The following CAGE1 variants were observed in gnomAD, a reference collection of about 807,000 sequenced individuals.
CAGE1 encodes cancer-associated gene 1 protein.
A neutral mutation model predicts 94.9 loss-of-function variants in CAGE1; 66 were observed. The ratio of observed to expected loss-of-function variants is 0.70; its 90% CI spans 0.57 to 0.85. The LOEUF (loss-of-function observed/expected upper bound fraction) is 0.85, where lower values mean the gene tolerates loss of function less well. Among genes scored for constraint, CAGE1 ranks in the 40% least tolerant of loss-of-function variants. The pLI, the probability that CAGE1 is intolerant of heterozygous loss-of-function variation, is 0.00. For missense variants in CAGE1, 865 were observed against 950.4 expected (o/e 0.91, Z 1.18); for synonymous variants, 319 against 321.0 (o/e 0.99, Z 0.07).
chr6:7,353,233 T>C (rs1384088196), intron 11 of CAGE1, among the ~76,000 whole-genome samples: 1 of 152,128 alleles, frequency 6.6e-6, no homozygotes, highest in African/African-American at 2.4e-5. Flanking sequence ...GCTAAGGACA[T>C]GAATAGACAA....
chr6:7,329,217 G>T, intron 13 of CAGE1: 1 of 404,468 alleles, frequency 2.5e-6, no homozygotes, highest in South Asian at 9.2e-5. Context: ...ACAGGCGTCA[G>T]CCACCGCGCC....
chr6:7,326,800 T>C lies in CAGE1; in HGVS notation c.*58A>G. ...GGATTGATTTGGCTAGCATATGTAGTAATGACTCTTCCTGGAGTGGTTGAC... is the reference window on the plus strand; with the variant it reads ...GGATTGATTTGGCTAGCATATGTAGCAATGACTCTTCCTGGAGTGGTTGAC... On this transcript the variant is annotated 3_prime_UTR_variant, in exon 14 of 14. Coordinates refer to ENST00000502583, the MANE Select transcript of CAGE1 (RefSeq NM_001170692.2). 1 of 1,189,812 alleles carries C rather than the reference T, an allele frequency of 8.4e-7. No homozygotes were observed. Among genetic ancestry groups the C allele is most frequent in the South Asian group, 1.2e-5 (1 of 82,268 alleles). 73.7% of individuals were successfully genotyped at this position (1,189,812 alleles called of 1,614,324 possible). A position where few individuals can be genotyped will look rare whatever the true frequency, so the allele number is the denominator to read the frequency against.
intron 11 of CAGE1, among the ~76,000 whole-genome samples, chr6:7,348,202 G>T (rs766408086): frequency 1.3e-5 from 2 of 152,128 alleles, no homozygotes; most frequent in Non-Finnish European, 2.9e-5. Context: ...ACGGGAACAG[G>T]TGCTGATAGC....
intron 3 of CAGE1, among the ~76,000 whole-genome samples, chr6:7,383,497 G>C (rs1465601989): frequency 1.3e-5 from 2 of 152,068 alleles, no homozygotes; most frequent in Admixed American, 6.6e-5. Context: ...TCAAATACCA[G>C]GTGTCCTCAT....
At chr6:7,366,461 A>T (rs1323246999) in intron 7 of CAGE1, among the ~76,000 whole-genome samples, 1 of 152,166 alleles carries the variant, frequency 6.6e-6, no homozygotes, top group Non-Finnish European at 1.5e-5. Flanking sequence ...TAAATGGCTT[A>T]TGGTGCTCAA....
chr6:7,357,731 C>T lies in CAGE1; in HGVS notation c.2194-1602G>A, dbSNP rs149178552. Among the ~76,000 whole-genome samples, 667 of 151,966 alleles carry T rather than the reference C, an allele frequency of 4.4e-3. 1 individual carries two copies. The highest frequency in any genetic ancestry group is 6.4e-3 in the South Asian group (31 of 4,814). On this transcript the variant is annotated intron_variant, in intron 9 of 13. Transcript: ENST00000502583. The stretch of plus-strand genomic sequence containing the variant: ...CTGCTTTAAGGGTATAAGTGACACA[C>T]GATTAATAACACATATTTAAAGTGT...
chr6:7,385,850 CT>C lies in CAGE1; in HGVS notation c.217del (p.Arg73GlyfsTer17). On this transcript the variant is annotated frameshift_variant, in exon 3 of 14. Transcript: ENST00000502583. LOFTEE classifies it high-confidence loss of function. ...AAGTGTGGATTCATACTCATTTTCC[CT>C]TTCAAAATTCTTTATTTCGTTCTGT... ...LPQNEIKNFERENEYESTLCE... is the reference protein window; with the variant it reads ...LPQNEIKNFEXENEYESTLCE... 6.5e-7 allele frequency: 1 copy of C among 1,537,040 alleles called. No homozygotes were observed.
At chr6:7,345,634 G>A (rs1278106757) in intron 11 of CAGE1, among the ~76,000 whole-genome samples, 6 of 152,106 alleles carry the variant, frequency 3.9e-5, no homozygotes, top group South Asian at 2.1e-4. Context: ...GCCTGTGAAC[G>A]GAAAAATTAC....
At chr6:7,343,864 A>G (rs1230677933) in intron 11 of CAGE1, among the ~76,000 whole-genome samples, 1 of 152,184 alleles carries the variant, frequency 6.6e-6, no homozygotes, top group Non-Finnish European at 1.5e-5. Context: ...TGATGTAATG[A>G]TTGTGATGGG....
chr6:7,382,213 T>C (rs1348456910), intron 3 of CAGE1, among the ~76,000 whole-genome samples: 1 of 152,194 alleles, frequency 6.6e-6, no homozygotes, highest in Non-Finnish European at 1.5e-5. Flanking sequence ...ACATATTGCA[T>C]GTATCTTCAC....
chr6:7,356,117 C>T lies in CAGE1; in HGVS notation c.2206G>A (p.Gly736Arg). 1.3e-6 allele frequency: 2 copies of T among 1,541,622 alleles called. No individual in the cohort carries two copies. Among genetic ancestry groups the T allele is most frequent in the South Asian group, 1.2e-5 (1 of 83,816 alleles). ...EELDFLITKL[G>R]HLLESKENHC... ...TTTTCTTTTGACTCTAGGAGATGTC[C>T]CAGTTTTGTGATCTATGGAGAAATA... is the stretch of plus-strand genomic sequence containing the variant. Residue 736 changes from glycine (G) to arginine (R), a missense_variant, in exon 10 of 14, where the codon GGA (glycine) becomes AGA (arginine). Physicochemically the swap from Gly to Arg is moderately radical, Grantham distance 125 (BLOSUM62 -2). Transcript: ENST00000502583.
At chr6:7,351,534 A>ATAAAATAAAG (rs1429342563) in intron 11 of CAGE1, among the ~76,000 whole-genome samples, 3 of 142,668 alleles carry the variant, frequency 2.1e-5, no homozygotes, top group African/African-American at 8.1e-5. Flanking sequence ...TATAATAAAA[A>ATAAAATAAAG]TAAAATAAAA....
At chr6:7,352,290 C>CAAAAAAAAAAAACAA (rs1759798360) in intron 11 of CAGE1, among the ~76,000 whole-genome samples, 7 of 43,526 alleles carry the variant, frequency 1.6e-4, no homozygotes, top group African/African-American at 3.6e-4. Flanking sequence ...ACAATAGCTG[C>CAAAAAAAAAAAACAA]AAAAAAAAAA....
In CAGE1 at chr6:7,365,478, A is replaced by G. The variant is rs776245516; in HGVS notation, c.2183T>C (p.Leu728Pro). The G allele has an allele frequency of 3.7e-6, 6 of 1,612,718 alleles. No homozygotes were observed. In the East Asian group the frequency reaches 8.9e-5, roughly 24 times the overall value. Residue 728 changes from leucine (L) to proline (P), a missense_variant, in exon 9 of 14, where the codon CTT becomes CCT. By Grantham distance (98) the Leu-to-Pro change is moderately conservative. Coordinates refer to ENST00000502583, the MANE Select transcript of CAGE1 (RefSeq NM_001170692.2). ...AAAGGTCTTTCTTACCAAGAAATCA[A>G]GCTCCTCATTTAGACTGTGGTACTT... ...LDKYHSLNEE[L>P]DFLITKLGHL...
chr6:7,333,657 T>G (rs1401432735), intron 12 of CAGE1, among the ~76,000 whole-genome samples: 1 of 111,660 alleles, frequency 9.0e-6, no homozygotes, highest in African/African-American at 4.3e-5. Context: ...TATATATATA[T>G]ATATATATAT....
intron 11 of CAGE1, chr6:7,341,637 G>C (rs1212831831): frequency 5.4e-6 from 4 of 746,972 alleles, no homozygotes; most frequent in Middle Eastern, 2.7e-4. Context: ...TTGCAACAGT[G>C]ATCTCACTCT....
intron 3 of CAGE1, among the ~76,000 whole-genome samples, chr6:7,379,333 T>G (rs1161500840): frequency 2.6e-5 from 4 of 152,220 alleles, no homozygotes; most frequent in Admixed American, 2.6e-4. Flanking sequence ...TTAAGATGTT[T>G]TAAATTATAC....
chr6:7,353,101 A>T (rs1003488840), intron 11 of CAGE1, among the ~76,000 whole-genome samples: 17 of 152,370 alleles, frequency 1.1e-4, no homozygotes, highest in African/African-American at 4.1e-4. Flanking sequence ...CAGAGTCAAC[A>T]GACAACCCAC....
At chr6:7,358,493 C>A (rs1760058009) in intron 9 of CAGE1, among the ~76,000 whole-genome samples, 1 of 152,024 alleles carries the variant, frequency 6.6e-6, no homozygotes, top group Non-Finnish European at 1.5e-5. Flanking sequence ...AATAAAGCTA[C>A]AAAGACCTCA....
Sources: gnomAD v4.1 joint callset for allele counts (sites outside exome capture counted in the v4.1 genomes callset) on GRCh38, gnomAD v4.1.1 for gene constraint, MANE v1.5 for transcripts, NCBI Gene and HGNC (gene_info 2026-07-23, HGNC 2026-07-21) for gene names.